Variants in MYB observed in about 807,000 individuals in gnomAD.
MYB encodes transcriptional activator Myb.
A neutral mutation model predicts 92.9 loss-of-function variants in MYB; 28 were observed. The ratio of observed to expected loss-of-function variants is 0.30; its 90% CI spans 0.22 to 0.41. The LOEUF (loss-of-function observed/expected upper bound fraction) is 0.41. Among genes scored for constraint, MYB ranks in the 10% least tolerant of loss-of-function variants. The probability of loss-of-function intolerance (pLI) is 1.00; values close to 1 mark genes in which losing one functional copy is unlikely to be tolerated. For synonymous variants in MYB, 295 were observed against 329.1 expected (o/e 0.90, Z 1.12); for missense variants, 679 against 929.3 (o/e 0.73, Z 3.50).
chr6:135,194,833 T>TAGAACAAA lies in MYB; in HGVS notation c.948+374_948+375insGAACAAAA, dbSNP rs1777086070. Reference sequence around the variant, plus strand: ...GTTTTTTTCTATTATTTTGTTAACCTATATTTTCATATTTTATAATTTCAG... The same window carrying TAGAACAAA: ...GTTTTTTTCTATTATTTTGTTAACCTAGAACAAAATATTTTCATATTTTATAATTTCAG... On this transcript the variant is annotated intron_variant, in intron 8 of 15. Transcript: ENST00000341911. The TAGAACAAA allele has an allele frequency of 2.9e-6, 3 of 1,039,504 alleles. No homozygotes were observed. In the South Asian group the frequency reaches 5.8e-5, roughly 20 times the overall value. 64.4% of individuals were successfully genotyped at this position (1,039,504 alleles called of 1,614,324 possible). A position where few individuals can be genotyped will look rare whatever the true frequency, so the allele number is the denominator to read the frequency against.
intron 9 of MYB, 88 bp from the exon 10 acceptor site, chr6:135,196,873 T>G: frequency 1.3e-6 from 2 of 1,585,804 alleles, no homozygotes; most frequent in Non-Finnish European, 1.7e-6. Flanking sequence ...TAGTGTTTGC[T>G]TTGCGTTGAG....
At chr6:135,186,149 T>A (rs1344996694) in intron 2 of MYB, 129 bp downstream of exon 2, 3 of 697,734 alleles carry the variant, frequency 4.3e-6, no homozygotes, top group Non-Finnish European at 7.3e-6. Flanking sequence ...CTAGCCCGCA[T>A]GTGCAGCGTG....
chr6:135,206,205 CAAAAAAAAA>C (rs67836018), intron 15 of MYB, among the ~76,000 whole-genome samples: 1 of 87,354 alleles, frequency 1.1e-5, no homozygotes, highest in African/African-American at 4.4e-5. Context: ...GACTCCATCT[CAAAAAAAAA>C]AAAAAAAAAA....
At chr6:135,198,116 AT>A (rs750754965) in intron 10 of MYB, among the ~76,000 whole-genome samples, 38 of 152,212 alleles carry the variant, frequency 2.5e-4, no homozygotes, top group Non-Finnish European at 5.0e-4. Flanking sequence ...AGGTATATAC[AT>A]TTGGGAAACA....
At chr6:135,184,322 C>CTTTTTTTTTT in intron 1 of MYB, among the ~76,000 whole-genome samples, 6 of 68,404 alleles carry the variant, frequency 8.8e-5, no homozygotes, top group East Asian at 5.1e-4. Context: ...GGCTTTATAG[C>CTTTTTTTTTT]TTTTTTTTTT....
chr6:135,187,760 C>T (rs1776114472), intron 2 of MYB, 74 bp from the exon 3 acceptor site: 3 of 941,090 alleles, frequency 3.2e-6, no homozygotes, highest in South Asian at 1.8e-5. Context: ...AGATTCGTTC[C>T]CTCATTCACT....
chr6:135,195,777 G>A lies in MYB; in HGVS notation c.978G>A (p.Gly326=), dbSNP rs1014868808. The part of the protein sequence containing the change: ...PTQNHTCSYP[G]WHSTTIADHT... ...AGAACCACACATGCAGCTACCCCGGGTGGCACAGCACCACCATTGCCGACC... is the reference window on the plus strand; with the variant it reads ...AGAACCACACATGCAGCTACCCCGGATGGCACAGCACCACCATTGCCGACC... Residue 326 remains glycine (G), a synonymous_variant, in exon 9 of 16, where the codon GGG becomes GGA. Coordinates refer to ENST00000341911, the MANE Select transcript of MYB (RefSeq NM_001130173.2). 6.2e-6 allele frequency: 10 copies of A among 1,613,916 alleles called. No individual in the cohort carries two copies. The highest frequency in any genetic ancestry group is 8.5e-6 in the Non-Finnish European group (10 of 1,179,996).
At position 135,192,523 on chromosome 6, in the gene MYB, G is replaced by T; in HGVS notation, c.727G>T (p.Asp243Tyr). Residue 243 changes from aspartate (D) to tyrosine (Y), a missense_variant, in exon 6 of 16, where the codon GAC becomes TAC. Coordinates refer to ENST00000341911, the MANE Select transcript of MYB (RefSeq NM_001130173.2). Reference sequence around the variant, plus strand: ...CACTGGCCAGCCCACTGTTAACAACGACTATTCCTATTACCACATTTCTGA... The same window carrying T: ...CACTGGCCAGCCCACTGTTAACAACTACTATTCCTATTACCACATTTCTGA... The part of the protein sequence containing the change: ...PATGQPTVNN[D>Y]YSYYHISEAQ... 6.2e-7 allele frequency: 1 copy of T among 1,614,200 alleles called. No homozygotes were observed. Among genetic ancestry groups the T allele is most frequent in the Non-Finnish European group, 8.5e-7 (1 of 1,180,042 alleles).
At chr6:135,211,764 G>T (rs1464664161) in intron 15 of MYB, among the ~76,000 whole-genome samples, 1 of 152,182 alleles carries the variant, frequency 6.6e-6, no homozygotes, top group African/African-American at 2.4e-5. Flanking sequence ...TTGGGAAGTG[G>T]AGTCATTGGT....
chr6:135,207,622 G>A (rs558105641), intron 15 of MYB, among the ~76,000 whole-genome samples: 14 of 152,238 alleles, frequency 9.2e-5, no homozygotes, highest in South Asian at 2.1e-4. Context: ...TAGAAATGCC[G>A]AGAAGCTATG....
chr6:135,189,076 C>G (rs1288912743), intron 3 of MYB, among the ~76,000 whole-genome samples: 2 of 152,162 alleles, frequency 1.3e-5, no homozygotes, highest in African/African-American at 2.4e-5. Context: ...TTCCCACCTC[C>G]TAGAATATTC....
At chr6:135,192,149 T>C (rs549462602) in intron 5 of MYB, among the ~76,000 whole-genome samples, 175 bp from the exon 6 acceptor site, 13 of 152,266 alleles carry the variant, frequency 8.5e-5, no homozygotes, top group African/African-American at 3.1e-4. Flanking sequence ...GAAATCTAAC[T>C]AGGCAATAGA....
At chr6:135,191,560 T>C (rs889261759) in intron 5 of MYB, among the ~76,000 whole-genome samples, 1 of 152,216 alleles carries the variant, frequency 6.6e-6, no homozygotes, top group Admixed American at 6.5e-5. Context: ...CTGCTGATTC[T>C]TCTCAAAATT....
rs1049788717 is a variant in MYB, at chr6:135,218,041, T to C, written c.*61T>C. ...CTTCAAGTTGACTTGGGATATATCA[T>C]TCCTCAACATGAAACTTTTCATGAA... is the stretch of plus-strand genomic sequence containing the variant. On this transcript the variant is annotated 3_prime_UTR_variant, in exon 16 of 16. Transcript: ENST00000341911. 3 of 1,253,436 alleles carry C rather than the reference T, an allele frequency of 2.4e-6. No individual in the cohort carries two copies. The highest frequency in any genetic ancestry group is 3.5e-6 in the Non-Finnish European group (3 of 854,292). 77.6% of individuals were successfully genotyped at this position (1,253,436 alleles called of 1,614,324 possible). A position where few individuals can be genotyped will look rare whatever the true frequency, so the allele number is the denominator to read the frequency against.
rs1467724667 is a variant in MYB at position 135,197,038 on chromosome 6, A to G, written c.1281A>G (p.Thr427=). 6.2e-7 allele frequency: 1 copy of G among 1,614,030 alleles called. No homozygotes were observed. The highest frequency in any genetic ancestry group is 1.1e-5 in the South Asian group (1 of 91,084). ...ATTTTTCACCTAGCCAACATCACACAGGCAAAGCCCTACAGCTTCAGCAAA... is the reference window on the plus strand; with the variant it reads ...ATTTTTCACCTAGCCAACATCACACGGGCAAAGCCCTACAGCTTCAGCAAA... ...EADFSPSQHH[T]GKALQLQQRE... is the part of the protein sequence containing the mutation. The change falls in exon 10 of 16, where the codon ACA becomes ACG. Residue 427 remains threonine, a synonymous_variant. Coordinates refer to ENST00000341911, the MANE Select transcript of MYB (RefSeq NM_001130173.2).
In MYB at chr6:135,185,462, ATTGT is replaced by A. The variant is rs571770596; in HGVS notation, c.24-438_24-435del. On this transcript the variant is annotated intron_variant, in intron 1 of 15. Transcript: ENST00000341911. ...AACCCCATTGGAATAGCATAGTTGA[ATTGT>A]TTATTATGTTTGAGAAATATTATTT... is the stretch of plus-strand genomic sequence containing the variant. Among the ~76,000 whole-genome samples the A allele has an allele frequency of 7.2e-5, 11 of 152,342 alleles. No individual in the cohort carries two copies. In the East Asian group the frequency reaches 2.1e-3, roughly 29 times the overall value.
At position 135,182,956 on chromosome 6, in the gene MYB, G is replaced by C. The variant is rs1485054882; in HGVS notation, c.23+1420G>C. ...CAGGACGGTGTGCTGCCCCTCGAGGGCTCCACTTTTCGCCTTTAGGACTTC... is the reference window on the plus strand; with the variant it reads ...CAGGACGGTGTGCTGCCCCTCGAGGCCTCCACTTTTCGCCTTTAGGACTTC... On this transcript the variant is annotated intron_variant, in intron 1 of 15. Coordinates refer to ENST00000341911, the MANE Select transcript of MYB (RefSeq NM_001130173.2). This position sits in a 1 kb window ranked among gnomAD's most constrained non-coding sequence, Gnocchi z 5.6. Among the ~76,000 whole-genome samples, 3 of 151,766 alleles carry C rather than the reference G, an allele frequency of 2.0e-5. No homozygotes were observed. Among genetic ancestry groups the C allele is most frequent in the Non-Finnish European group, 4.4e-5 (3 of 67,952 alleles).
At chr6:135,202,137 T>A (rs1778192927) in intron 14 of MYB, among the ~76,000 whole-genome samples, 1 of 152,174 alleles carries the variant, frequency 6.6e-6, no homozygotes, top group South Asian at 2.1e-4. Flanking sequence ...TCAACCACGT[T>A]GTCTATAGTA....
intron 15 of MYB, among the ~76,000 whole-genome samples, chr6:135,208,414 C>T (rs1461968042): frequency 7.1e-6 from 1 of 140,600 alleles, no homozygotes; most frequent in African/African-American, 2.7e-5. Context: ...CAAGGCCTTG[C>T]TCTGTCACCC....
Sources: allele counts gnomAD v4.1 joint callset (sites outside exome capture counted in the v4.1 genomes callset), GRCh38; gene constraint gnomAD v4.1.1; non-coding constraint Gnocchi (gnomAD v3.1); transcripts MANE v1.5; gene names NCBI Gene and HGNC (gene_info 2026-07-23, HGNC 2026-07-21).